The following PCDHGB4 variants were observed in gnomAD, a reference collection of about 807,000 sequenced individuals.
PCDHGB4 encodes the protein protocadherin gamma subfamily B, 4.
Under a neutral mutation model 60.5 loss-of-function variants are expected in PCDHGB4, and 38 were observed. The ratio of observed to expected loss-of-function variants is 0.63; its 90% CI spans 0.48 to 0.82. The LOEUF (loss-of-function observed/expected upper bound fraction) is 0.82. Among genes scored for constraint, PCDHGB4 ranks in the 40% least tolerant of loss-of-function variants. The pLI is 0.00. For synonymous variants in PCDHGB4, 456 were observed against 509.7 expected, an observed-to-expected ratio of 0.89 and a Z score of 1.42; for missense variants, 1,109 against 1,209.6, an observed-to-expected ratio of 0.92 and a Z score of 1.23.
intron 1 of PCDHGB4, chr5:141,423,380 G>A: frequency 6.2e-7 from 1 of 1,614,178 alleles, no homozygotes; most frequent in Non-Finnish European, 8.5e-7. Context: ...CTCAGGCTGT[G>A]GCGCTGGCAT....
chr5:141,412,987 A>C lies in PCDHGB4; in HGVS notation c.2397+22706A>C, dbSNP rs192699644. Reference sequence around the variant, plus strand: ...AGGAGAGAAAACGCAGCCAGAGCTCAATCCGGATTCTCAGGGCTTCAACTA... The same window carrying C: ...AGGAGAGAAAACGCAGCCAGAGCTCCATCCGGATTCTCAGGGCTTCAACTA... On this transcript the variant is annotated intron_variant, in intron 1 of 3. Transcript: ENST00000519479. The C allele has an allele frequency of 5.3e-6, 3 of 564,534 alleles. No homozygotes were observed. In the African/African-American group the frequency reaches 5.7e-5, roughly 11 times the overall value. The allele number at this position is 564,534 out of a possible 1,614,324, so 35.0% of individuals were successfully genotyped here.
intron 1 of PCDHGB4, chr5:141,393,027 A>C (rs868285753): frequency 1.2e-6 from 2 of 1,613,818 alleles, no homozygotes; most frequent in Non-Finnish European, 1.7e-6. Flanking sequence ...CAGAGGTAGG[A>C]CGCAGCTCTT....
At position 141,500,184 on chromosome 5, in the gene PCDHGB4, TTTTATTTATTTATTTA is replaced by T. The variant is rs58019021; in HGVS notation, c.2457-5182_2457-5167del. Among the ~76,000 whole-genome samples the T allele has an allele frequency of 2.1e-3, 289 of 135,964 alleles. 1 individual carries two copies. Among genetic ancestry groups the T allele is most frequent in the Middle Eastern group, 0.016 (4 of 248 alleles). The allele number at this position is 135,964 out of a possible 152,430, so 89.2% of individuals were successfully genotyped here. A position where few individuals can be genotyped will look rare whatever the true frequency, so the allele number is the denominator to read the frequency against. On this transcript the variant is annotated intron_variant, in intron 2 of 3. Coordinates refer to ENST00000519479, the MANE Select transcript of PCDHGB4 (RefSeq NM_003736.4). ...GAACATGCATGAGCTTCATTTTTAT[TTTTATTTATTTATTTA>T]TTTATTTATTTATTTATTTATTTAT...
Position 141,418,384 on chromosome 5 carries a change from C to T in PCDHGB4, c.2397+28103C>T, listed in dbSNP as rs774636792. 5 of 1,613,982 alleles carry T rather than the reference C, an allele frequency of 3.1e-6. No homozygotes were observed. In the South Asian group the frequency reaches 4.4e-5, roughly 14 times the overall value. ...TGAGCAAATACCAACTAAGTCCTAA[C>T]GAGTATTTCTCATTGGTGGAGAAAG... is the stretch of plus-strand genomic sequence containing the variant. On this transcript the variant is annotated intron_variant, in intron 1 of 3. Coordinates refer to ENST00000519479, the MANE Select transcript of PCDHGB4 (RefSeq NM_003736.4).
chr5:141,440,008 C>G, intron 1 of PCDHGB4: 1 of 153,238 alleles, frequency 6.5e-6, no homozygotes. Context: ...GAAACCTTGC[C>G]AAGGATCTGG....
Position 141,477,686 on chromosome 5 carries a change from C to T in PCDHGB4, c.2398-17121C>T, listed in dbSNP as rs201090822. Reference sequence around the variant, plus strand: ...CAATGGCATAGTGTCATCCTTAGTGCCCCTAGACTATGAGGATCGGCGGGA... The same window carrying T: ...CAATGGCATAGTGTCATCCTTAGTGTCCCTAGACTATGAGGATCGGCGGGA... On this transcript the variant is annotated intron_variant, in intron 1 of 3. Coordinates refer to ENST00000519479, the MANE Select transcript of PCDHGB4 (RefSeq NM_003736.4). This position sits in a 1 kb window ranked among gnomAD's most constrained non-coding sequence, Gnocchi z 4.9. The T allele has an allele frequency of 4.3e-6, 7 of 1,614,024 alleles. No homozygotes were observed. The highest frequency in any genetic ancestry group is 1.6e-4 in the Middle Eastern group (1 of 6,084).
At chr5:141,423,076 C>A in intron 1 of PCDHGB4, 1 of 1,614,128 alleles carries the variant, frequency 6.2e-7, no homozygotes, top group Non-Finnish European at 8.5e-7. Context: ...CGAGCCGGGA[C>A]TCTTCGCGGT....
intron 1 of PCDHGB4, chr5:141,429,167 T>TAC (rs1357037045): frequency 6.6e-5 from 9 of 136,102 alleles, no homozygotes; most frequent in African/African-American, 8.8e-5. Context: ...AGACATTGTT[T>TAC]ATACACACAC....
At chr5:141,409,227 A>G (rs2095244126) in intron 1 of PCDHGB4, 1 of 1,613,922 alleles carries the variant, frequency 6.2e-7, no homozygotes, top group African/African-American at 1.3e-5. Flanking sequence ...GATGAAAACG[A>G]CAACAGCCCA....
chr5:141,447,078 G>A (rs531206989), intron 1 of PCDHGB4, among the ~76,000 whole-genome samples: 5 of 152,018 alleles, frequency 3.3e-5, no homozygotes, highest in Non-Finnish European at 7.4e-5. Context: ...TTTAATTTTT[G>A]TTGTTTAATT....
intron 1 of PCDHGB4, chr5:141,441,667 A>C: frequency 3.7e-6 from 1 of 267,984 alleles, no homozygotes; most frequent in Non-Finnish European, 7.4e-6. Flanking sequence ...TTGAGCGCAC[A>C]GTGCGCCTTC....
chr5:141,420,308 T>C (rs1486910909), intron 1 of PCDHGB4: 3 of 1,457,838 alleles, frequency 2.1e-6, no homozygotes, highest in Non-Finnish European at 9.2e-7. Context: ...ATCCTTTTTA[T>C]ATTACAATAT....
chr5:141,421,879 G>T (rs1458461652), intron 1 of PCDHGB4: 1 of 1,613,746 alleles, frequency 6.2e-7, no homozygotes, highest in Non-Finnish European at 8.5e-7. Context: ...AGCTTTAGAT[G>T]GAGGCGATCC....
intron 3 of PCDHGB4, among the ~76,000 whole-genome samples, chr5:141,508,975 G>T (rs1360718244): frequency 2.6e-5 from 4 of 152,148 alleles, no homozygotes; most frequent in African/African-American, 7.2e-5. Context: ...AAGGGCTGGG[G>T]GTGGGGGCCA....
chr5:141,396,935 C>T (rs545100008), intron 1 of PCDHGB4, among the ~76,000 whole-genome samples: 1 of 152,240 alleles, frequency 6.6e-6, no homozygotes, highest in South Asian at 2.1e-4. Flanking sequence ...ATGAAAGTTG[C>T]CCTGGTAGGA....
chr5:141,456,026 T>A (rs2098840894), intron 1 of PCDHGB4, among the ~76,000 whole-genome samples: 1 of 151,690 alleles, frequency 6.6e-6, no homozygotes, highest in African/African-American at 2.4e-5. Context: ...GCCTCCCGAG[T>A]AGCTGGGACT....
chr5:141,432,227 T>C lies in PCDHGB4; in HGVS notation c.2397+41946T>C, dbSNP rs1046414550. On this transcript the variant is annotated intron_variant, in intron 1 of 3. Coordinates refer to ENST00000519479, the MANE Select transcript of PCDHGB4 (RefSeq NM_003736.4). This position sits in a 1 kb window ranked among gnomAD's most constrained non-coding sequence, Gnocchi z 6.0. ...TGAAGAGAACGCCCAGATCACTTATTCCCTGGCTGAGAACACCATCCAAGG... is the reference window on the plus strand; with the variant it reads ...TGAAGAGAACGCCCAGATCACTTATCCCCTGGCTGAGAACACCATCCAAGG... 1.4e-5 allele frequency: 22 copies of C among 1,614,080 alleles called. No individual in the cohort carries two copies. The highest frequency in any genetic ancestry group is 1.8e-5 in the Non-Finnish European group (21 of 1,180,042).
intron 1 of PCDHGB4, chr5:141,403,711 G>A: frequency 6.2e-7 from 1 of 1,613,930 alleles, no homozygotes; most frequent in South Asian, 1.1e-5. Context: ...AAGTCCTTGA[G>A]AACGTGCCCC....
At chr5:141,462,540 T>G (rs2099042148) in intron 1 of PCDHGB4, among the ~76,000 whole-genome samples, 2 of 152,204 alleles carry the variant, frequency 1.3e-5, no homozygotes, top group Non-Finnish European at 2.9e-5. Flanking sequence ...TCAGTGATCT[T>G]TTCTTCTTCA....
Sources: allele counts gnomAD v4.1 joint callset (sites outside exome capture counted in the v4.1 genomes callset), GRCh38; gene constraint gnomAD v4.1.1; non-coding constraint Gnocchi (gnomAD v3.1); transcripts MANE v1.5; gene names NCBI Gene and HGNC (gene_info 2026-07-23, HGNC 2026-07-21).